Variants in PDZRN4 observed in about 807,000 individuals in gnomAD.
PDZRN4 encodes PDZ domain-containing RING finger protein 4.
PDZRN4 carries 70 observed loss-of-function variants against 99.0 expected under a neutral mutation model. The ratio of observed to expected loss-of-function variants is 0.71; its 90% CI spans 0.58 to 0.86. The LOEUF (loss-of-function observed/expected upper bound fraction) is 0.86, where lower values mean the gene tolerates loss of function less well. Ranked by LOEUF, PDZRN4 falls within the 40% of genes least tolerant of loss-of-function variation. The pLI is 0.00. For missense variants in PDZRN4, 1,474 were observed against 1,331.2 expected, an observed-to-expected ratio of 1.11 and a Z score of -1.67; for synonymous variants, 551 against 501.6, an observed-to-expected ratio of 1.10 and a Z score of -1.32.
intron 3 of PDZRN4, among the ~76,000 whole-genome samples, chr12:41,420,245 GC>G (rs1222129489): frequency 6.6e-6 from 1 of 151,980 alleles, no homozygotes; most frequent in Non-Finnish European, 1.5e-5. Flanking sequence ...CCTTTACTGT[GC>G]CTTTCCTCCT....
Position 41,191,559 on chromosome 12 carries a change from T to C in PDZRN4, c.735+15T>C. 8.7e-7 allele frequency: 1 copy of C among 1,145,876 alleles called. No homozygotes were observed. The highest frequency in any genetic ancestry group is 1.3e-6 in the Non-Finnish European group (1 of 769,312). The allele number at this position is 1,145,876 out of a possible 1,614,324, so 71.0% of individuals were successfully genotyped here. A position where few individuals can be genotyped will look rare whatever the true frequency, so the allele number is the denominator to read the frequency against. Reference sequence around the variant, plus strand: ...GACCAAATCAGGTAAAACACCTTGTTAATGCATTACTCGTTACTTATAAAA... The same window carrying C: ...GACCAAATCAGGTAAAACACCTTGTCAATGCATTACTCGTTACTTATAAAA... On this transcript the variant is annotated intron_variant, in intron 2 of 9. Transcript: ENST00000402685.
intron 3 of PDZRN4, among the ~76,000 whole-genome samples, chr12:41,230,388 T>C (rs1315628940): frequency 2.0e-5 from 3 of 152,082 alleles, no homozygotes; most frequent in African/African-American, 4.8e-5. Flanking sequence ...TAATGAATAT[T>C]CATTACTCTG....
chr12:41,350,754 T>C (rs1305614705), intron 3 of PDZRN4, among the ~76,000 whole-genome samples: 3 of 152,150 alleles, frequency 2.0e-5, no homozygotes, highest in Admixed American at 6.6e-5. Flanking sequence ...ATGTTTTGAA[T>C]ATATCCCCCC....
At chr12:41,191,659 GA>G in intron 2 of PDZRN4, 115 bp downstream of exon 2, 1 of 538,500 alleles carries the variant, frequency 1.9e-6, no homozygotes, top group South Asian at 2.9e-5. Context: ...TTTTGAGTAA[GA>G]AAAACAAGTG....
chr12:41,390,850 G>T (rs1952205721), intron 3 of PDZRN4, among the ~76,000 whole-genome samples: 1 of 152,082 alleles, frequency 6.6e-6, no homozygotes, highest in Admixed American at 6.6e-5. Context: ...TTAAAACAAA[G>T]AAGGAAGATA....
At chr12:41,356,732 C>A (rs1452396307) in intron 3 of PDZRN4, among the ~76,000 whole-genome samples, 5 of 151,940 alleles carry the variant, frequency 3.3e-5, no homozygotes, top group Non-Finnish European at 7.4e-5. Context: ...TTTACTGTGA[C>A]CTTTTAGAAC....
chr12:41,242,325 GA>G (rs1213621183), intron 3 of PDZRN4, among the ~76,000 whole-genome samples: 1 of 152,168 alleles, frequency 6.6e-6, no homozygotes, highest in Non-Finnish European at 1.5e-5. Flanking sequence ...GAGGGAAAGA[GA>G]ATTTCAAATG....
intron 2 of PDZRN4, among the ~76,000 whole-genome samples, chr12:41,193,224 T>C (rs955551974): frequency 1.3e-5 from 2 of 152,224 alleles, no homozygotes; most frequent in Non-Finnish European, 2.9e-5. Flanking sequence ...TTTTATAGAT[T>C]CTATTTTGGT....
intron 3 of PDZRN4, among the ~76,000 whole-genome samples, chr12:41,487,140 G>T (rs1312241133): frequency 6.6e-6 from 1 of 151,836 alleles, no homozygotes; most frequent in East Asian, 1.9e-4. Flanking sequence ...TACATTGATT[G>T]TCTGCCTTAC....
chr12:41,368,095 G>T (rs1015886984), intron 3 of PDZRN4, among the ~76,000 whole-genome samples: 2 of 151,968 alleles, frequency 1.3e-5, no homozygotes, highest in African/African-American at 4.8e-5. Flanking sequence ...TGGTCAAAAA[G>T]CCCAGTCCTA....
chr12:41,397,725 G>A (rs984894998), intron 3 of PDZRN4, among the ~76,000 whole-genome samples: 3 of 152,102 alleles, frequency 2.0e-5, no homozygotes, highest in African/African-American at 7.2e-5. Flanking sequence ...TCTAGTTAAT[G>A]GATGTTTTAA....
intron 3 of PDZRN4, among the ~76,000 whole-genome samples, chr12:41,261,813 A>G (rs1807332988): frequency 6.6e-6 from 1 of 152,042 alleles, no homozygotes; most frequent in African/African-American, 2.4e-5. Flanking sequence ...TTCTCTTTTT[A>G]TTGTTTTGAA....
chr12:41,498,753 A>G (rs1184708151), intron 3 of PDZRN4, among the ~76,000 whole-genome samples: 1 of 152,136 alleles, frequency 6.6e-6, no homozygotes, highest in African/African-American at 2.4e-5. Context: ...ACAACTATAT[A>G]AATACTTTAA....
intron 3 of PDZRN4, among the ~76,000 whole-genome samples, chr12:41,345,726 C>G (rs1351574666): frequency 6.6e-6 from 1 of 152,100 alleles, no homozygotes; most frequent in African/African-American, 2.4e-5. Flanking sequence ...GATGCATACA[C>G]CTTTCTTCCT....
chr12:41,475,805 A>G (rs1297812733), intron 3 of PDZRN4, among the ~76,000 whole-genome samples: 1 of 152,176 alleles, frequency 6.6e-6, no homozygotes. Context: ...CTTGAACACA[A>G]TATTTACAGA....
At chr12:41,229,299 C>A (rs1345953779) in intron 3 of PDZRN4, among the ~76,000 whole-genome samples, 1 of 151,876 alleles carries the variant, frequency 6.6e-6, no homozygotes, top group Non-Finnish European at 1.5e-5. Context: ...ATGAAAGAAT[C>A]TTTTAAAGTT....
chr12:41,482,274 T>C (rs1937685394), intron 3 of PDZRN4, among the ~76,000 whole-genome samples: 1 of 152,208 alleles, frequency 6.6e-6, no homozygotes, highest in Admixed American at 6.6e-5. Flanking sequence ...TGAAAAATCC[T>C]AGATATGCCT....
chr12:41,570,727 A>G (rs1269329883), intron 9 of PDZRN4, among the ~76,000 whole-genome samples: 1 of 152,180 alleles, frequency 6.6e-6, no homozygotes, highest in East Asian at 1.9e-4. Context: ...TAGTATAAAG[A>G]CATTGCCATA....
At chr12:41,349,433 A>C (rs1951875616) in intron 3 of PDZRN4, among the ~76,000 whole-genome samples, 1 of 151,822 alleles carries the variant, frequency 6.6e-6, no homozygotes, top group Admixed American at 6.6e-5. Flanking sequence ...TATTATAGGC[A>C]CCCATTTTAC....
Sources: gnomAD v4.1 joint callset for allele counts (sites outside exome capture counted in the v4.1 genomes callset) on GRCh38, gnomAD v4.1.1 for gene constraint, MANE v1.5 for transcripts, NCBI Gene and HGNC (gene_info 2026-07-23, HGNC 2026-07-21) for gene names.